Variants in EFHC2 observed in about 807,000 individuals in gnomAD.
EFHC2 encodes EF-hand domain-containing family member C2.
A neutral mutation model predicts 52.7 loss-of-function variants in EFHC2; 18 were observed. The observed-to-expected ratio is 0.34, with a 90% CI of 0.24 to 0.51. The LOEUF (loss-of-function observed/expected upper bound fraction) is 0.51, where lower values mean the gene tolerates loss of function less well. EFHC2 is among the 20% of genes least tolerant of loss of function. The pLI, the probability that EFHC2 is intolerant of heterozygous loss-of-function variation, is 0.97. For synonymous variants in EFHC2, 203 were observed against 204.1 expected (o/e 0.99, Z 0.04); for missense variants, 513 against 562.5 (o/e 0.91, Z 0.89).
intron 5 of EFHC2, 38 bp from the exon 6 acceptor site, chrX:44,248,954 A>C (rs1238585136): frequency 4.0e-6 from 4 of 1,012,613 alleles, no homozygotes; most frequent in Non-Finnish European, 5.4e-6. Context: ...GGTAGGATTT[A>C]ATCCATTCCC....
intron 13 of EFHC2, among the ~76,000 whole-genome samples, chrX:44,166,871 C>T (rs1379286667): frequency 2.7e-5 from 3 of 111,249 alleles, no homozygotes; most frequent in Non-Finnish European, 5.7e-5. Flanking sequence ...TCTCTTTTAC[C>T]ACTCCCTAAT....
At chrX:44,218,721 T>C (rs1053650836) in intron 11 of EFHC2, among the ~76,000 whole-genome samples, 1 of 112,307 alleles carries the variant, frequency 8.9e-6, no homozygotes, top group Non-Finnish European at 1.9e-5. Context: ...CATAAAAGAC[T>C]GACAATGTGG....
intron 4 of EFHC2, among the ~76,000 whole-genome samples, chrX:44,251,536 G>A (rs1472982610): frequency 1.1e-5 from 1 of 86,970 alleles, no homozygotes; most frequent in Non-Finnish European, 2.2e-5. Flanking sequence ...GGGAGGCAGA[G>A]GTTGCAGTGA....
intron 13 of EFHC2, among the ~76,000 whole-genome samples, chrX:44,174,169 G>C (rs1362919100): frequency 8.9e-6 from 1 of 111,884 alleles, no homozygotes; most frequent in Non-Finnish European, 1.9e-5. Context: ...CTTTATGTAT[G>C]TTATCTCAAT....
chrX:44,266,851 T>C (rs916314114), intron 3 of EFHC2, among the ~76,000 whole-genome samples: 2 of 111,379 alleles, frequency 1.8e-5, no homozygotes, highest in South Asian at 7.7e-4. Context: ...CTATTTTGTG[T>C]GATTACATTT....
chrX:44,155,091 A>G (rs1167980882), intron 14 of EFHC2, among the ~76,000 whole-genome samples: 1 of 111,982 alleles, frequency 8.9e-6, no homozygotes, highest in Non-Finnish European at 1.9e-5. Flanking sequence ...CATAAACAAT[A>G]CATGCCACAT....
At chrX:44,271,574 CCAAA>C (rs1017479333) in intron 3 of EFHC2, among the ~76,000 whole-genome samples, 2 of 111,087 alleles carry the variant, frequency 1.8e-5, no homozygotes, top group Admixed American at 9.6e-5. Context: ...ACACCAGCAA[CCAAA>C]CAAACACTCA....
intron 11 of EFHC2, among the ~76,000 whole-genome samples, chrX:44,202,888 G>A: frequency 9.0e-6 from 1 of 111,399 alleles, no homozygotes; most frequent in Non-Finnish European, 1.9e-5. Flanking sequence ...GGAATGATGG[G>A]TGTGGTACCA....
At position 44,250,925 on chromosome X, in the gene EFHC2, C is replaced by A. The variant is rs185426084; in HGVS notation, c.607-480G>T. 3.7e-5 allele frequency among the ~76,000 whole-genome samples: 4 copies of A among 108,847 alleles called. No individual in the cohort carries two copies. In the East Asian group the frequency reaches 1.2e-3, roughly 32 times the overall value. 94.5% of individuals were successfully genotyped at this position (108,847 alleles called of 115,157 possible). On this transcript the variant is annotated intron_variant, in intron 4 of 14. Coordinates refer to ENST00000420999, the MANE Select transcript of EFHC2 (RefSeq NM_025184.4). ...ATTTCAACTATGACATAGATACATA[C>A]ACATCTATAACCAGTTTTAACCTTA...
intron 2 of EFHC2, among the ~76,000 whole-genome samples, chrX:44,304,913 G>A (rs1475266836): frequency 9.1e-6 from 1 of 110,223 alleles, no homozygotes; most frequent in African/African-American, 3.3e-5. Context: ...GATACTCAAT[G>A]GTAGCAGCAC....
chrX:44,225,669 A>T (rs1455686843), intron 11 of EFHC2: 1 of 112,340 alleles, frequency 8.9e-6, no homozygotes, highest in South Asian at 3.7e-4. Flanking sequence ...ATTTTACAAG[A>T]ATATTATAAA....
chrX:44,155,428 T>C lies in EFHC2; in HGVS notation c.2149-6532A>G, dbSNP rs143510643. Among the ~76,000 whole-genome samples, 800 of 112,452 alleles carry C rather than the reference T, an allele frequency of 7.1e-3. 6 individuals are homozygous for C. The highest frequency in any genetic ancestry group is 0.01 in the Non-Finnish European group (547 of 53,300). Reference sequence around the variant, plus strand: ...TGTGTGAGCTAATGGGCCCTAGATTTATTTGCTTTGACATTTTTAAAAGGA... The same window carrying C: ...TGTGTGAGCTAATGGGCCCTAGATTCATTTGCTTTGACATTTTTAAAAGGA... On this transcript the variant is annotated intron_variant, in intron 14 of 14. Coordinates refer to ENST00000420999, the MANE Select transcript of EFHC2 (RefSeq NM_025184.4).
At chrX:44,228,304 A>C (rs781649799) in intron 11 of EFHC2, among the ~76,000 whole-genome samples, 7 of 111,804 alleles carry the variant, frequency 6.3e-5, no homozygotes, top group African/African-American at 1.9e-4. Flanking sequence ...AGTGCTTCCC[A>C]AAAAGCCCTA....
rs762091814 is a variant in EFHC2, at chrX:44,261,390, G to A, written c.383-92C>T. ...CACTAACAACCCTGAATACTTTCCCGCAACAGAAAACTGGGCAAAGGACTC... is the reference window on the plus strand; with the variant it reads ...CACTAACAACCCTGAATACTTTCCCACAACAGAAAACTGGGCAAAGGACTC... On this transcript the variant is annotated intron_variant, in intron 3 of 14. Transcript: ENST00000420999. The A allele has an allele frequency of 4.2e-5, 33 of 794,420 alleles. No homozygotes were observed. The East Asian group carries it at 6.5e-4, about 16-fold the overall frequency. 65.5% of individuals were successfully genotyped at this position (794,420 alleles called of 1,213,427 possible). A position where few individuals can be genotyped will look rare whatever the true frequency, so the allele number is the denominator to read the frequency against.
At chrX:44,290,490 A>G (rs73628333) in intron 2 of EFHC2, among the ~76,000 whole-genome samples, 2,814 of 104,136 alleles carry the variant, frequency 0.027, 101 homozygotes, top group African/African-American at 0.097. Flanking sequence ...TTTATGTTGT[A>G]GAATCTTTTC....
intron 1 of EFHC2, among the ~76,000 whole-genome samples, chrX:44,318,978 G>T (rs1302858129): frequency 3.7e-5 from 4 of 109,070 alleles, no homozygotes. Flanking sequence ...TGGGTTGGAA[G>T]GGGGAAGGTC....
intron 1 of EFHC2, among the ~76,000 whole-genome samples, chrX:44,337,974 TATAG>T (rs762629978): frequency 8.9e-6 from 1 of 111,834 alleles, no homozygotes; most frequent in South Asian, 3.7e-4. Flanking sequence ...TACCATGGGC[TATAG>T]ATATAGTTTT....
intron 11 of EFHC2, among the ~76,000 whole-genome samples, chrX:44,189,642 A>C (rs1003629579): frequency 1.8e-5 from 2 of 111,470 alleles, no homozygotes; most frequent in Non-Finnish European, 3.8e-5. Context: ...ACGGGAGTGC[A>C]TCTGAGATGA....
chrX:44,197,089 T>C (rs12557527), intron 11 of EFHC2, among the ~76,000 whole-genome samples: 8,250 of 111,888 alleles, frequency 0.074, 282 homozygotes, highest in Admixed American at 0.17. Flanking sequence ...AATGAGTTAA[T>C]ATGTAGAAAG....
Sources: gnomAD v4.1 joint callset for allele counts (sites outside exome capture counted in the v4.1 genomes callset) on GRCh38, gnomAD v4.1.1 for gene constraint, MANE v1.5 for transcripts, NCBI Gene and HGNC (gene_info 2026-07-23, HGNC 2026-07-21) for gene names.